Variants in PHLDA3 observed in about 807,000 individuals in gnomAD.
PHLDA3 encodes pleckstrin homology like domain family A member 3, also known as pleckstrin homology-like domain family A member 3.
Under a neutral mutation model 7.6 loss-of-function variants are expected in PHLDA3, and 12 were observed. The ratio of observed to expected loss-of-function variants is 1.58; its 90% CI spans 1.01 to 2.55. The LOEUF is 2.55. Ranked by LOEUF, PHLDA3 falls within the 30% of genes most tolerant of loss-of-function variation. The pLI, the probability that PHLDA3 is intolerant of heterozygous loss-of-function variation, is 0.00. For missense variants in PHLDA3, 177 were observed against 175.6 expected, an observed-to-expected ratio of 1.01 and a Z score of -0.05; for synonymous variants, 104 against 85.1, an observed-to-expected ratio of 1.22 and a Z score of -1.23.
At position 201,468,345 on chromosome 1, in the gene PHLDA3, C is replaced by T; in HGVS notation, c.*58G>A. On this transcript the variant is annotated 3_prime_UTR_variant, in exon 1 of 2. Coordinates refer to ENST00000367311, the MANE Select transcript of PHLDA3 (RefSeq NM_012396.5). The stretch of plus-strand genomic sequence containing the variant: ...CCCAGTCCCCCGGGGGCTTACCTGC[C>T]TTGACCTCAGCACTGAGGTGGTGGG... The T allele has an allele frequency of 2.5e-6, 4 of 1,599,566 alleles. No homozygotes were observed. The East Asian group carries it at 8.9e-5, about 36-fold the overall frequency.
chr1:201,468,909 G>T lies in PHLDA3; in HGVS notation c.-123C>A. ...CGTGCGCGCTGCCCACCTGCGCCCTGACTGCTCCGCGCACCCACACCGCGG... is the reference window on the plus strand; with the variant it reads ...CGTGCGCGCTGCCCACCTGCGCCCTTACTGCTCCGCGCACCCACACCGCGG... On this transcript the variant is annotated 5_prime_UTR_variant, in exon 1 of 2. Coordinates refer to ENST00000367311, the MANE Select transcript of PHLDA3 (RefSeq NM_012396.5). The T allele has an allele frequency of 9.0e-7, 1 of 1,113,760 alleles. No homozygotes were observed. The highest frequency in any genetic ancestry group is 1.2e-6 in the Non-Finnish European group (1 of 848,204). The allele number at this position is 1,113,760 out of a possible 1,614,324, so 69.0% of individuals were successfully genotyped here. A position where few individuals can be genotyped will look rare whatever the true frequency, so the allele number is the denominator to read the frequency against.
Position 201,464,899 on chromosome 1 carries a change from G to C in PHLDA3, c.*1342C>G, listed in dbSNP as rs1663624034. On this transcript the variant is annotated 3_prime_UTR_variant, in exon 2 of 2. Coordinates refer to ENST00000367311, the MANE Select transcript of PHLDA3 (RefSeq NM_012396.5). ...GCCATCTCAGCTCACTGTAACCTCT[G>C]CCTCCCAGGTTCAAGCAATTCTCCT... 6.6e-6 allele frequency: 1 copy of C among 152,270 alleles called. No homozygotes were observed. The highest frequency in any genetic ancestry group is 1.9e-4 in the East Asian group (1 of 5,186). The allele number at this position is 152,270 out of a possible 1,614,324, so 9.4% of individuals were successfully genotyped here. A position where few individuals can be genotyped will look rare whatever the true frequency, so the allele number is the denominator to read the frequency against.
chr1:201,466,255 C>T (rs148222451), intron 1 of PHLDA3, 77 bp from the exon 2 acceptor site: 42 of 152,634 alleles, frequency 2.8e-4, no homozygotes, highest in Middle Eastern at 1.9e-3. Context: ...GGGCATTTTA[C>T]ACCAGCACTT....
rs745790757 is a variant in PHLDA3, at chr1:201,468,439, G to A, written c.348C>T (p.Ala116=). 2 of 1,614,132 alleles carry A rather than the reference G, an allele frequency of 1.2e-6. No homozygotes were observed. Among genetic ancestry groups the A allele is most frequent in the South Asian group, 1.1e-5 (1 of 91,058 alleles). The stretch of plus-strand genomic sequence containing the variant: ...GGGTCCCGGTCCCGAGGCTCTGCCG[G>A]GCCCGCACTGTCTGGATGGCCTGCT... ...KNQQAIQTVR[A]RQSLGTGTLV... The change falls in exon 1 of 2, where the codon GCC becomes GCT. Residue 116 remains alanine (A), a synonymous_variant. Transcript: ENST00000367311.
At position 201,468,328 on chromosome 1, in the gene PHLDA3, C is replaced by T; in HGVS notation, c.*62+13G>A. On this transcript the variant is annotated intron_variant, in intron 1 of 1. Transcript: ENST00000367311. ...GGAAGGAGAGAAGAGGGCCCAGTCCCCCGGGGGCTTACCTGCCTTGACCTC... is the reference window on the plus strand; with the variant it reads ...GGAAGGAGAGAAGAGGGCCCAGTCCTCCGGGGGCTTACCTGCCTTGACCTC... 1 of 1,536,504 alleles carries T rather than the reference C, an allele frequency of 6.5e-7. No homozygotes were observed. The highest frequency in any genetic ancestry group is 8.9e-7 in the Non-Finnish European group (1 of 1,122,916).
intron 1 of PHLDA3, chr1:201,467,636 C>CCACACACACACA (rs1257739839): frequency 1.1e-5 from 1 of 87,724 alleles, no homozygotes; most frequent in East Asian, 4.8e-4. Flanking sequence ...CAACAACAAA[C>CCACACACACACA]CATACACACA....
chr1:201,468,667 G>C lies in PHLDA3; in HGVS notation c.120C>G (p.Leu40=). The change falls in exon 1 of 2, where the codon CTC becomes CTG. Residue 40 remains leucine, a synonymous_variant. Coordinates refer to ENST00000367311, the MANE Select transcript of PHLDA3 (RefSeq NM_012396.5). ...GGCCGCCCGTGCCCTTGGCCTCGAA[G>C]AGCTGCAGCCCGCGTTCGGTGAGGA... The part of the protein sequence containing the change: ...RCVLTERGLQ[L]FEAKGTGGRP... 6.2e-7 allele frequency: 1 copy of C among 1,612,612 alleles called. No homozygotes were observed. The highest frequency in any genetic ancestry group is 8.5e-7 in the Non-Finnish European group (1 of 1,179,820).
rs1407331210 is a variant in PHLDA3 at position 201,468,401 on chromosome 1, G to A, written c.*2C>T. On this transcript the variant is annotated 3_prime_UTR_variant, in exon 1 of 2. Coordinates refer to ENST00000367311, the MANE Select transcript of PHLDA3 (RefSeq NM_012396.5). ...TGAAGGAAAGATGGTGCGCCCGGTG[G>A]TTTAGGACACGAGGGTCCCGGTCCC... The A allele has an allele frequency of 7.4e-6, 12 of 1,613,634 alleles. No homozygotes were observed. Among genetic ancestry groups the A allele is most frequent in the Admixed American group, 1.7e-5 (1 of 59,934 alleles).
intron 1 of PHLDA3, chr1:201,466,601 A>T (rs1219441096): frequency 6.6e-6 from 1 of 152,116 alleles, no homozygotes; most frequent in Non-Finnish European, 1.5e-5. Context: ...GGCTAGAAGG[A>T]AGGCTAAATC....
intron 1 of PHLDA3, among the ~76,000 whole-genome samples, chr1:201,466,889 G>A (rs1401299620): frequency 6.6e-6 from 1 of 151,846 alleles, no homozygotes; most frequent in African/African-American, 2.4e-5. Flanking sequence ...AGGCCTGACT[G>A]GCACTCAGGG....
chr1:201,468,884 C>T lies in PHLDA3; in HGVS notation c.-98G>A. 1 of 1,308,876 alleles carries T rather than the reference C, an allele frequency of 7.6e-7. No individual in the cohort carries two copies. Among genetic ancestry groups the T allele is most frequent in the South Asian group, 1.8e-5 (1 of 56,732 alleles). 81.1% of individuals were successfully genotyped at this position (1,308,876 alleles called of 1,614,324 possible). ...ATTCTGGCGCCCCGGGCTGGCAGGCCGTGCGCGCTGCCCACCTGCGCCCTG... is the reference window on the plus strand; with the variant it reads ...ATTCTGGCGCCCCGGGCTGGCAGGCTGTGCGCGCTGCCCACCTGCGCCCTG... On this transcript the variant is annotated 5_prime_UTR_variant, in exon 1 of 2. Transcript: ENST00000367311.
rs920936715 is a variant in PHLDA3 at position 201,464,837 on chromosome 1, T to TCTTGCTG, written c.*1397_*1403dup. ...TTGTTGTTGTTGTTTTGAGACTGCGTCTTGCTGCTTTGTCACCTAGGCTGG... is the reference window on the plus strand; with the variant it reads ...TTGTTGTTGTTGTTTTGAGACTGCGTCTTGCTGCTTGCTGCTTTGTCACCTAGGCTGG... On this transcript the variant is annotated 3_prime_UTR_variant, in exon 2 of 2. Transcript: ENST00000367311. 6.9e-6 allele frequency: 1 copy of TCTTGCTG among 145,366 alleles called. No homozygotes were observed. The highest frequency in any genetic ancestry group is 1.5e-5 in the Non-Finnish European group (1 of 65,832). The allele number at this position is 145,366 out of a possible 1,614,324, so 9.0% of individuals were successfully genotyped here.
chr1:201,467,897 C>T (rs1233308249), intron 1 of PHLDA3, among the ~76,000 whole-genome samples: 1 of 151,934 alleles, frequency 6.6e-6, no homozygotes, highest in Non-Finnish European at 1.5e-5. Context: ...GAAAGAGGGT[C>T]GGCCTCCACG....
Position 201,469,122 on chromosome 1 carries a change from C to T in PHLDA3, c.-336G>A. On this transcript the variant is annotated 5_prime_UTR_variant, in exon 1 of 2. Transcript: ENST00000367311. ...ACCGCCCGCCCGTTCTCTTGCTCCCCTGGGCTCTGTCTGCGCGCTGGGCGG... is the reference window on the plus strand; with the variant it reads ...ACCGCCCGCCCGTTCTCTTGCTCCCTTGGGCTCTGTCTGCGCGCTGGGCGG... 1 of 262,414 alleles carries T rather than the reference C, an allele frequency of 3.8e-6. No homozygotes were observed. The highest frequency in any genetic ancestry group is 7.8e-5 in the East Asian group (1 of 12,770). The allele number at this position is 262,414 out of a possible 1,614,324, so 16.3% of individuals were successfully genotyped here.
In PHLDA3 at chr1:201,464,988, T is replaced by G. The variant is rs1191842660; in HGVS notation, c.*1253A>C. On this transcript the variant is annotated 3_prime_UTR_variant, in exon 2 of 2. Coordinates refer to ENST00000367311, the MANE Select transcript of PHLDA3 (RefSeq NM_012396.5). Reference sequence around the variant, plus strand: ...GCCACCTCACCTGGCTAATTTTTGTTTTTAGTAGAGACAGGGTTTCACCAA... The same window carrying G: ...GCCACCTCACCTGGCTAATTTTTGTGTTTAGTAGAGACAGGGTTTCACCAA... 6.6e-6 allele frequency: 1 copy of G among 152,126 alleles called. No individual in the cohort carries two copies. Among genetic ancestry groups the G allele is most frequent in the Non-Finnish European group, 1.5e-5 (1 of 68,040 alleles). The allele number at this position is 152,126 out of a possible 1,614,324, so 9.4% of individuals were successfully genotyped here.
At position 201,465,464 on chromosome 1, in the gene PHLDA3, T is replaced by G. The variant is rs1663637404; in HGVS notation, c.*777A>C. The G allele has an allele frequency of 6.5e-6, 1 of 154,282 alleles. No homozygotes were observed. The highest frequency in any genetic ancestry group is 2.4e-5 in the African/African-American group (1 of 41,504). The allele number at this position is 154,282 out of a possible 1,614,324, so 9.6% of individuals were successfully genotyped here. On this transcript the variant is annotated 3_prime_UTR_variant, in exon 2 of 2. Transcript: ENST00000367311. ...AGAGATGCTCCAAGCCCTGGGTCTTTGTGGGCAAAGAATTTCACTCAGCAA... is the reference window on the plus strand; with the variant it reads ...AGAGATGCTCCAAGCCCTGGGTCTTGGTGGGCAAAGAATTTCACTCAGCAA...
At position 201,464,364 on chromosome 1, in the gene PHLDA3, G is replaced by C. The variant is rs954672570; in HGVS notation, c.*1877C>G. The C allele has an allele frequency of 2.6e-5, 4 of 152,016 alleles. No homozygotes were observed. The highest frequency in any genetic ancestry group is 7.3e-5 in the African/African-American group (3 of 41,320). The allele number at this position is 152,016 out of a possible 1,614,324, so 9.4% of individuals were successfully genotyped here. A position where few individuals can be genotyped will look rare whatever the true frequency, so the allele number is the denominator to read the frequency against. ...GCCATGGTGGGATTAAGCCACCCATGGACAATTGTACAATTGGATACAGTA... is the reference window on the plus strand; with the variant it reads ...GCCATGGTGGGATTAAGCCACCCATCGACAATTGTACAATTGGATACAGTA... On this transcript the variant is annotated 3_prime_UTR_variant, in exon 2 of 2. Coordinates refer to ENST00000367311, the MANE Select transcript of PHLDA3 (RefSeq NM_012396.5).
Position 201,468,787 on chromosome 1 carries a change from G to C in PHLDA3, c.-1C>G. ...CGGTAGCCGTCGCCGCCGCCGTCAT[G>C]GGCGCCCCGAGGTTCGCGGAAAGCT... On this transcript the variant is annotated 5_prime_UTR_variant, in exon 1 of 2. Transcript: ENST00000367311. 6.5e-7 allele frequency: 1 copy of C among 1,544,238 alleles called. No individual in the cohort carries two copies. The highest frequency in any genetic ancestry group is 8.7e-7 in the Non-Finnish European group (1 of 1,153,086).
chr1:201,468,574 G>C lies in PHLDA3; in HGVS notation c.213C>G (p.Ile71Met). ...VECVESTGRHIYFTLVTEGGG... is the reference protein window; with the variant it reads ...VECVESTGRHMYFTLVTEGGG... ...CCCCTTCGGTCACCAGCGTGAAGTA[G>C]ATGTGGCGCCCGGTGCTCTCCACGC... is the stretch of plus-strand genomic sequence containing the variant. Residue 71 changes from isoleucine to methionine, a missense_variant, in exon 1 of 2, where the codon ATC becomes ATG. Coordinates refer to ENST00000367311, the MANE Select transcript of PHLDA3 (RefSeq NM_012396.5). The C allele has an allele frequency of 1.9e-6, 3 of 1,614,060 alleles. No homozygotes were observed. Among genetic ancestry groups the C allele is most frequent in the South Asian group, 1.1e-5 (1 of 91,088 alleles).
Sources: allele counts gnomAD v4.1 joint callset (sites outside exome capture counted in the v4.1 genomes callset), GRCh38; gene constraint gnomAD v4.1.1; transcripts MANE v1.5; gene names NCBI Gene and HGNC (gene_info 2026-07-23, HGNC 2026-07-21).